Variants in ADAMTS16 observed in about 807,000 individuals in gnomAD.
The protein encoded by ADAMTS16 is A disintegrin and metalloproteinase with thrombospondin motifs 16.
In ADAMTS16, 94 loss-of-function variants were observed where a neutral mutation model predicts 145.8. The observed-to-expected ratio is 0.64, with a 90% CI of 0.55 to 0.77. ADAMTS16 has a LOEUF of 0.77. Among genes scored for constraint, ADAMTS16 ranks in the 30% least tolerant of loss-of-function variants. ADAMTS16 has a pLI of 0.00. For missense variants in ADAMTS16, 1,585 were observed against 1,591.5 expected, an observed-to-expected ratio of 1.00 and a Z score of 0.07; for synonymous variants, 659 against 604.3, an observed-to-expected ratio of 1.09 and a Z score of -1.33.
At chr5:5,256,964 T>A (rs1737804781) in intron 17 of ADAMTS16, among the ~76,000 whole-genome samples, 1 of 152,230 alleles carries the variant, frequency 6.6e-6, no homozygotes, top group Non-Finnish European at 1.5e-5. Context: ...AAAAATAGTG[T>A]GGTTATTCAG....
In ADAMTS16 at chr5:5,306,660, C is replaced by T; in HGVS notation, c.3343C>T (p.Pro1115Ser). The T allele has an allele frequency of 6.2e-7, 1 of 1,614,050 alleles. No homozygotes were observed. The highest frequency in any genetic ancestry group is 8.5e-7 in the Non-Finnish European group (1 of 1,180,014). ...ACGTGCCTGCGCCCCGCTTCCATGCCCCAGGCACCCCCCATTTGCTGCTGC... is the reference window on the plus strand; with the variant it reads ...ACGTGCCTGCGCCCCGCTTCCATGCTCCAGGCACCCCCCATTTGCTGCTGC... ...LERACAPLPC[P>S]RHPPFAAAGP... The change falls in exon 21 of 23, where the codon CCC becomes TCC. Residue 1115 changes from proline (P) to serine (S), a missense_variant. Coordinates refer to ENST00000274181, the MANE Select transcript of ADAMTS16 (RefSeq NM_139056.4).
At chr5:5,241,992 A>G in intron 16 of ADAMTS16, 61 bp from the exon 17 acceptor site, 1 of 1,585,480 alleles carries the variant, frequency 6.3e-7, no homozygotes, top group Admixed American at 1.7e-5. Context: ...AAATCCCGTT[A>G]GCATGTACTT....
intron 5 of ADAMTS16, among the ~76,000 whole-genome samples, chr5:5,187,232 A>G (rs1226137885): frequency 6.6e-6 from 1 of 152,186 alleles, no homozygotes; most frequent in African/African-American, 2.4e-5. Flanking sequence ...CCCCACCCCA[A>G]ATGCCACTGT....
At chr5:5,274,772 T>C (rs1169635703) in intron 18 of ADAMTS16, among the ~76,000 whole-genome samples, 1 of 151,944 alleles carries the variant, frequency 6.6e-6, no homozygotes, top group African/African-American at 2.4e-5. Context: ...ATATCATCCA[T>C]ATAAGAAAGG....
At chr5:5,218,301 C>A (rs1736493107) in intron 10 of ADAMTS16, among the ~76,000 whole-genome samples, 1 of 152,154 alleles carries the variant, frequency 6.6e-6, no homozygotes, top group Non-Finnish European at 1.5e-5. Flanking sequence ...TACATCGATA[C>A]TGAAACAGAA....
chr5:5,297,991 T>C (rs1353047577), intron 18 of ADAMTS16, among the ~76,000 whole-genome samples: 6 of 152,154 alleles, frequency 3.9e-5, no homozygotes, highest in Non-Finnish European at 7.3e-5. Flanking sequence ...CCCTGTTCCT[T>C]GCCAACCAGT....
At chr5:5,151,876 A>G (rs1029688247) in intron 3 of ADAMTS16, among the ~76,000 whole-genome samples, 1 of 151,996 alleles carries the variant, frequency 6.6e-6, no homozygotes, top group Non-Finnish European at 1.5e-5. Flanking sequence ...TCTTTGACCT[A>G]CTTCTCCCCA....
At chr5:5,173,021 C>T (rs1735086978) in intron 3 of ADAMTS16, among the ~76,000 whole-genome samples, 1 of 152,026 alleles carries the variant, frequency 6.6e-6, no homozygotes, top group Non-Finnish European at 1.5e-5. Context: ...TCTATTTTGT[C>T]TCGTGTAAGT....
At chr5:5,260,358 T>C (rs1384510541) in intron 17 of ADAMTS16, among the ~76,000 whole-genome samples, 4 of 152,246 alleles carry the variant, frequency 2.6e-5, no homozygotes, top group African/African-American at 9.6e-5. Flanking sequence ...AGAGGCTCAA[T>C]ATGTTAAAAT....
At chr5:5,253,487 T>C (rs1737689635) in intron 17 of ADAMTS16, among the ~76,000 whole-genome samples, 2 of 152,170 alleles carry the variant, frequency 1.3e-5, no homozygotes, top group Admixed American at 1.3e-4. Flanking sequence ...TGCGTTTGTC[T>C]CAGGTGAGCC....
intron 5 of ADAMTS16, 49 bp from the exon 6 acceptor site, chr5:5,187,676 G>C: frequency 1.5e-6 from 2 of 1,311,822 alleles, no homozygotes; most frequent in Non-Finnish European, 2.2e-6. Flanking sequence ...AGTAAGTAGG[G>C]GGGAAAATGC....
At chr5:5,175,280 G>T (rs765664373) in intron 3 of ADAMTS16, among the ~76,000 whole-genome samples, 13 of 152,156 alleles carry the variant, frequency 8.5e-5, no homozygotes, top group Non-Finnish European at 1.9e-4. Flanking sequence ...TTCAAGCCTA[G>T]TGTGTGTCTA....
intron 18 of ADAMTS16, among the ~76,000 whole-genome samples, chr5:5,277,358 C>T (rs554566522): frequency 2.5e-4 from 38 of 152,310 alleles, no homozygotes; most frequent in Admixed American, 2.3e-3. Context: ...ACACCTGCCA[C>T]GGACTACATG....
chr5:5,241,733 T>G (rs1737298184), intron 16 of ADAMTS16, among the ~76,000 whole-genome samples: 1 of 152,202 alleles, frequency 6.6e-6, no homozygotes, highest in East Asian at 1.9e-4. Flanking sequence ...CCAAAATATG[T>G]GTATCTGTTA....
Position 5,303,658 on chromosome 5 carries a change from C to G in ADAMTS16, c.3078C>G (p.Pro1026=), listed in dbSNP as rs751814492. 8.7e-6 allele frequency: 14 copies of G among 1,613,880 alleles called. No individual in the cohort carries two copies. In the African/African-American group the frequency reaches 9.3e-5, roughly 11 times the overall value. Residue 1026 remains proline (P), a synonymous_variant, in exon 20 of 23, where the codon CCC becomes CCG. Coordinates refer to ENST00000274181, the MANE Select transcript of ADAMTS16 (RefSeq NM_139056.4). The part of the protein sequence containing the change: ...TNPSARAQLL[P]DAVCTSEPKP... ...CCTCGGCCAGAGCGCAGCTGCTGCCCGACGCTGTCTGCACCTCCGAGCCCA... is the reference window on the plus strand; with the variant it reads ...CCTCGGCCAGAGCGCAGCTGCTGCCGGACGCTGTCTGCACCTCCGAGCCCA...
At chr5:5,262,838 C>T (rs540781759) in intron 18 of ADAMTS16, 55 bp downstream of exon 18, 84 of 1,597,788 alleles carry the variant, frequency 5.3e-5, no homozygotes, top group African/African-American at 6.7e-5. Flanking sequence ...ACGTGCTCAG[C>T]GAGTCTTGCA....
At chr5:5,194,562 C>T (rs1342439313) in intron 8 of ADAMTS16, among the ~76,000 whole-genome samples, 2 of 152,150 alleles carry the variant, frequency 1.3e-5, no homozygotes, top group Admixed American at 1.3e-4. Flanking sequence ...GAGGAGTAAA[C>T]GTTTCAAATG....
At chr5:5,200,826 A>G (rs1438599999) in intron 9 of ADAMTS16, among the ~76,000 whole-genome samples, 1 of 152,122 alleles carries the variant, frequency 6.6e-6, no homozygotes, top group Non-Finnish European at 1.5e-5. Context: ...ATCTTCAATA[A>G]TATTTTTAGA....
chr5:5,152,392 T>G (rs1322925768), intron 3 of ADAMTS16, among the ~76,000 whole-genome samples: 1 of 152,236 alleles, frequency 6.6e-6, no homozygotes, highest in Non-Finnish European at 1.5e-5. Context: ...TATTCAGGGT[T>G]TCATTGCTGT....
Sources: gnomAD v4.1 joint callset for allele counts (sites outside exome capture counted in the v4.1 genomes callset) on GRCh38, gnomAD v4.1.1 for gene constraint, MANE v1.5 for transcripts, NCBI Gene and HGNC (gene_info 2026-07-23, HGNC 2026-07-21) for gene names.